RIT2: variants seen among roughly 807,000 people sequenced by gnomAD.
The protein encoded by RIT2 is GTP-binding protein Rit2.
In RIT2, 24 loss-of-function variants were observed where a neutral mutation model predicts 23.7. The ratio of observed to expected loss-of-function variants is 1.01; its 90% CI spans 0.73 to 1.43. RIT2 has a LOEUF of 1.43. Ranked by LOEUF, RIT2 falls within the 40% of genes most tolerant of loss-of-function variation. The pLI is 0.00. For synonymous variants in RIT2, 107 were observed against 91.1 expected (o/e 1.17, Z -0.99); for missense variants, 236 against 266.9 (o/e 0.88, Z 0.81).
Position 43,100,422 on chromosome 18 carries a change from G to A in RIT2, c.103+14995C>T, listed in dbSNP as rs148375101. 1.8e-3 allele frequency among the ~76,000 whole-genome samples: 267 copies of A among 152,270 alleles called. 1 individual carries two copies. The highest frequency in any genetic ancestry group is 6.0e-3 in the African/African-American group (249 of 41,564). ...TGAGATCACAGAAGTGACATTGGCT[G>A]TTAAAAGTGCTGTGAGTGAAACAAG... On this transcript the variant is annotated intron_variant, in intron 1 of 4. Coordinates refer to ENST00000326695, the MANE Select transcript of RIT2 (RefSeq NM_002930.4).
At chr18:42,763,960 T>A (rs545589001) in intron 4 of RIT2, among the ~76,000 whole-genome samples, 1 of 152,320 alleles carries the variant, frequency 6.6e-6, no homozygotes, top group Admixed American at 6.5e-5. Flanking sequence ...CACTATAATC[T>A]TATGGGACCA....
chr18:42,902,546 T>C (rs141676161), intron 4 of RIT2, among the ~76,000 whole-genome samples: 328 of 151,616 alleles, frequency 2.2e-3, no homozygotes, highest in Non-Finnish European at 3.9e-3. Context: ...TTTAATCAAG[T>C]ATTTCAAAAT....
intron 2 of RIT2, among the ~76,000 whole-genome samples, chr18:42,990,248 G>A (rs146479434): frequency 6.6e-6 from 1 of 152,202 alleles, no homozygotes; most frequent in African/African-American, 2.4e-5. Flanking sequence ...CAGTCAGGCA[G>A]AAGGAGTTTC....
chr18:42,873,109 A>AT (rs1358993484), intron 4 of RIT2, among the ~76,000 whole-genome samples: 1 of 152,168 alleles, frequency 6.6e-6, no homozygotes, highest in South Asian at 2.1e-4. Context: ...GGCTGACTTC[A>AT]TATGACTGGG....
chr18:43,048,340 T>C (rs1168981433), intron 1 of RIT2, among the ~76,000 whole-genome samples: 1 of 152,156 alleles, frequency 6.6e-6, no homozygotes. Context: ...ATGCATCAAA[T>C]ATTTTGAAAC....
At chr18:42,869,176 G>A (rs1344250401) in intron 4 of RIT2, among the ~76,000 whole-genome samples, 1 of 152,194 alleles carries the variant, frequency 6.6e-6, no homozygotes, top group African/African-American at 2.4e-5. Flanking sequence ...GTGGATGGTG[G>A]TGGGTATGGT....
intron 4 of RIT2, among the ~76,000 whole-genome samples, chr18:42,803,847 A>T (rs1162989106): frequency 2.0e-5 from 3 of 152,230 alleles, no homozygotes; most frequent in Non-Finnish European, 4.4e-5. Flanking sequence ...ATTAACTTTC[A>T]AAATATGTTT....
At chr18:42,885,846 T>G (rs755727585) in intron 4 of RIT2, among the ~76,000 whole-genome samples, 1 of 152,152 alleles carries the variant, frequency 6.6e-6, no homozygotes, top group Non-Finnish European at 1.5e-5. Context: ...TCCAATAAAT[T>G]TATGATATTA....
chr18:42,915,181 CACA>C (rs772125087), intron 4 of RIT2, among the ~76,000 whole-genome samples: 1 of 150,700 alleles, frequency 6.6e-6, no homozygotes, highest in Non-Finnish European at 1.5e-5. Flanking sequence ...CACACACACA[CACA>C]CCATGCACTT....
intron 4 of RIT2, among the ~76,000 whole-genome samples, chr18:42,862,792 G>C (rs1394620143): frequency 6.6e-6 from 1 of 152,160 alleles, no homozygotes; most frequent in Non-Finnish European, 1.5e-5. Flanking sequence ...TCAGCCTCCT[G>C]AGGAAGTGTC....
intron 4 of RIT2, among the ~76,000 whole-genome samples, chr18:42,896,699 G>A (rs1239189537): frequency 2.0e-5 from 3 of 152,138 alleles, no homozygotes; most frequent in African/African-American, 7.2e-5. Context: ...TAGATTGTCT[G>A]GAGGAACTGA....
At chr18:42,997,425 A>C (rs981323499) in intron 2 of RIT2, among the ~76,000 whole-genome samples, 13 of 152,084 alleles carry the variant, frequency 8.5e-5, no homozygotes, top group African/African-American at 3.1e-4. Context: ...AAAGAAAAAA[A>C]ACAAAAAAAA....
At chr18:42,773,695 A>G (rs1913602578) in intron 4 of RIT2, among the ~76,000 whole-genome samples, 1 of 152,198 alleles carries the variant, frequency 6.6e-6, no homozygotes, top group Admixed American at 6.5e-5. Flanking sequence ...ATTACAATAA[A>G]TGCTATGAAG....
At chr18:43,003,988 A>G (rs987436455) in intron 2 of RIT2, among the ~76,000 whole-genome samples, 3 of 151,728 alleles carry the variant, frequency 2.0e-5, no homozygotes, top group Non-Finnish European at 4.4e-5. Context: ...TCTGTACTCT[A>G]TTCAAAAAAT....
At chr18:42,947,382 G>A (rs768685616) in intron 3 of RIT2, among the ~76,000 whole-genome samples, 9 of 152,130 alleles carry the variant, frequency 5.9e-5, no homozygotes, top group African/African-American at 1.4e-4. Context: ...GTGATCAGTC[G>A]ATTATTTACA....
intron 4 of RIT2, among the ~76,000 whole-genome samples, chr18:42,857,063 G>A (rs1029954382): frequency 1.3e-5 from 2 of 151,872 alleles, no homozygotes; most frequent in African/African-American, 2.4e-5. Context: ...CTCCTGACCC[G>A]CCCACCTCGG....
At chr18:42,885,076 T>A (rs1295118962) in intron 4 of RIT2, among the ~76,000 whole-genome samples, 2 of 152,202 alleles carry the variant, frequency 1.3e-5, no homozygotes, top group African/African-American at 4.8e-5. Context: ...AAAATGCTTC[T>A]GTTGTGAATT....
At chr18:42,899,254 G>A (rs372087817) in intron 4 of RIT2, among the ~76,000 whole-genome samples, 2 of 150,726 alleles carry the variant, frequency 1.3e-5, no homozygotes, top group African/African-American at 4.9e-5. Context: ...ACCAAGGAAA[G>A]CACTCATTTT....
chr18:42,849,539 C>T (rs1906994014), intron 4 of RIT2, among the ~76,000 whole-genome samples: 1 of 152,060 alleles, frequency 6.6e-6, no homozygotes, highest in Non-Finnish European at 1.5e-5. Flanking sequence ...GTGTGCAGTA[C>T]AGTGCATGGC....
Sources: gnomAD v4.1 joint callset for allele counts (sites outside exome capture counted in the v4.1 genomes callset) on GRCh38, gnomAD v4.1.1 for gene constraint, MANE v1.5 for transcripts, NCBI Gene and HGNC (gene_info 2026-07-23, HGNC 2026-07-21) for gene names.